Variants in BAHCC1 observed in about 807,000 individuals in gnomAD.
The protein encoded by BAHCC1 is BAH domain and coiled-coil containing 1.
A neutral mutation model predicts 88.2 loss-of-function variants in BAHCC1; 43 were observed. That is an observed-to-expected ratio of 0.49 (90% CI 0.38 to 0.63). The LOEUF is 0.63. Ranked by LOEUF, BAHCC1 falls within the 20% of genes least tolerant of loss-of-function variation. BAHCC1 has a pLI of 0.00. For synonymous variants in BAHCC1, 1,510 were observed against 745.5 expected (o/e 2.03, Z -16.71); for missense variants, 3,023 against 1,654.8 (o/e 1.83, Z -14.34).
At chr17:81,406,706 C>T (rs782657061) in intron 2 of BAHCC1, among the ~76,000 whole-genome samples, 6 of 152,256 alleles carry the variant, frequency 3.9e-5, no homozygotes, top group Non-Finnish European at 8.8e-5. Flanking sequence ...GGCCCCAGAG[C>T]AGCTGCCGCG....
chr17:81,399,820 C>T lies in BAHCC1; in HGVS notation c.81C>T (p.Ala27=), dbSNP rs1189519810. ...TGGGCCACCGCAGCGCCGCTGCCGC[C>T]GCGCGTCTCGCCCCGGCTGGGCCCG... ...GSLGHRSAAA[A]ARLAPAGPAA... Residue 27 remains alanine, a synonymous_variant, in exon 2 of 28, where the codon GCC becomes GCT. Coordinates refer to ENST00000675386, the MANE Select transcript of BAHCC1 (RefSeq NM_001377448.1). This position sits in a 1 kb window ranked among gnomAD's most constrained non-coding sequence, Gnocchi z 4.5. The T allele has an allele frequency of 2.3e-6, 3 of 1,325,784 alleles. No individual in the cohort carries two copies. The highest frequency in any genetic ancestry group is 2.9e-6 in the Non-Finnish European group (3 of 1,039,670). 82.1% of individuals were successfully genotyped at this position (1,325,784 alleles called of 1,614,324 possible).
Position 81,458,814 on chromosome 17 carries a change from G to T in BAHCC1, c.5450G>T (p.Gly1817Val), listed in dbSNP as rs781841977. Residue 1817 changes from glycine (G) to valine (V), a missense_variant and splice_region_variant, in exon 20 of 28, where the codon GGC becomes GTC. Coordinates refer to ENST00000675386, the MANE Select transcript of BAHCC1 (RefSeq NM_001377448.1). ...SKVKHKAGKQ[G>V]KGRAVSRLLE... is the part of the protein sequence containing the mutation. Reference sequence around the variant, plus strand: ...AAGCCTGACTCCTCTGGCCCCCAGGGCAAGGGCCGGGCCGTGAGCCGCCTG... The same window carrying T: ...AAGCCTGACTCCTCTGGCCCCCAGGTCAAGGGCCGGGCCGTGAGCCGCCTG... The T allele has an allele frequency of 1.3e-6, 1 of 763,774 alleles. No individual in the cohort carries two copies. The highest frequency in any genetic ancestry group is 2.5e-6 in the Non-Finnish European group (1 of 406,754). The allele number at this position is 763,774 out of a possible 1,614,324, so 47.3% of individuals were successfully genotyped here.
intron 2 of BAHCC1, among the ~76,000 whole-genome samples, chr17:81,408,600 AG>A (rs1273747973): frequency 3.3e-5 from 5 of 152,006 alleles, no homozygotes; most frequent in Non-Finnish European, 5.9e-5. Flanking sequence ...ACTCTGCCTA[AG>A]TGGAGAGGGG....
At chr17:81,457,795 G>A (rs1598510247) in intron 17 of BAHCC1, among the ~76,000 whole-genome samples, 1 of 106,906 alleles carries the variant, frequency 9.4e-6, no homozygotes. Flanking sequence ...GGGAGGGCAG[G>A]GGTTGCTGGG....
chr17:81,407,227 A>T (rs1555647055), intron 2 of BAHCC1: 1 of 444,374 alleles, frequency 2.3e-6, no homozygotes, highest in African/African-American at 2.0e-5. Context: ...TGTGCTTCCA[A>T]TAGGGTCCTC....
rs782396635 is a variant in BAHCC1 at position 81,445,050 on chromosome 17, A to G, written c.2707A>G (p.Met903Val). ...VMDQASLWPP[M>V]YGGRGPASHM... ...GGACCAGGCGTCACTGTGGCCCCCC[A>G]TGTACGGGGGCCGGGGCCCCGCCTC... Residue 903 changes from methionine (M) to valine (V), a missense_variant, in exon 9 of 28, where the codon ATG (methionine) becomes GTG (valine). Physicochemically the swap from Met to Val is conservative, Grantham distance 21. Coordinates refer to ENST00000675386, the MANE Select transcript of BAHCC1 (RefSeq NM_001377448.1). 2.7e-5 allele frequency: 21 copies of G among 766,046 alleles called. No homozygotes were observed. Among genetic ancestry groups the G allele is most frequent in the East Asian group, 2.5e-4 (10 of 40,602 alleles). 47.5% of individuals were successfully genotyped at this position (766,046 alleles called of 1,614,324 possible).
At chr17:81,423,491 C>T (rs113876760) in intron 2 of BAHCC1, among the ~76,000 whole-genome samples, 31 of 152,352 alleles carry the variant, frequency 2.0e-4, no homozygotes, top group African/African-American at 7.0e-4. Context: ...TGACTCACCT[C>T]GGGCTGGGCC....
At position 81,423,609 on chromosome 17, in the gene BAHCC1, G is replaced by A. The variant is rs115756243; in HGVS notation, c.179-3191G>A. On this transcript the variant is annotated intron_variant, in intron 2 of 27. Transcript: ENST00000675386. The stretch of plus-strand genomic sequence containing the variant: ...TGGTCCCAGGCCAGGCTTGCTGCCC[G>A]TGGGATGGAGACGACAAGGTGCCAG... Among the ~76,000 whole-genome samples, 715 of 152,350 alleles carry A rather than the reference G, an allele frequency of 4.7e-3. 6 individuals are homozygous for A. The highest frequency in any genetic ancestry group is 0.016 in the African/African-American group (681 of 41,580).
In BAHCC1 at chr17:81,461,368, C is replaced by T. The variant is rs61741401; in HGVS notation, c.6705C>T (p.Pro2235=). ...ALLMGDKDFS[P]KLGRPLPSPS... ...TCATGGGGGACAAGGACTTCAGCCC[C>T]AAGCTCGGGCGGCCCCTGCCCAGCC... The change falls in exon 26 of 28, where the codon CCC becomes CCT. Residue 2235 remains proline (P), a synonymous_variant. Coordinates refer to ENST00000675386, the MANE Select transcript of BAHCC1 (RefSeq NM_001377448.1). 102 of 722,972 alleles carry T rather than the reference C, an allele frequency of 1.4e-4. 1 individual carries two copies. The African/African-American group carries it at 1.6e-3, about 11-fold the overall frequency. The allele number at this position is 722,972 out of a possible 1,614,324, so 44.8% of individuals were successfully genotyped here.
At chr17:81,431,746 G>A (rs2064263669) in intron 3 of BAHCC1, among the ~76,000 whole-genome samples, 1 of 152,196 alleles carries the variant, frequency 6.6e-6, no homozygotes, top group Non-Finnish European at 1.5e-5. Context: ...AGGAAACTGA[G>A]GCTGAGGATT....
rs782438735 is a variant in BAHCC1, at chr17:81,462,842, G to A, written c.7486G>A (p.Gly2496Arg). 1.3e-6 allele frequency: 1 copy of A among 781,136 alleles called. No individual in the cohort carries two copies. The highest frequency in any genetic ancestry group is 2.4e-6 in the Non-Finnish European group (1 of 418,554). The allele number at this position is 781,136 out of a possible 1,614,324, so 48.4% of individuals were successfully genotyped here. A position where few individuals can be genotyped will look rare whatever the true frequency, so the allele number is the denominator to read the frequency against. The change falls in exon 27 of 28, where the codon GGG becomes AGG. Residue 2496 changes from glycine (G) to arginine (R), a missense_variant. Gly to Arg is a moderately radical substitution (Grantham distance 125, BLOSUM62 -2). Coordinates refer to ENST00000675386, the MANE Select transcript of BAHCC1 (RefSeq NM_001377448.1). ...VGDCAVFLSA[G>R]RPNLPYIGRI... ...GGACTGTGCCGTCTTCCTGTCAGCT[G>A]GGCGGCCCAACCTCCCCTACATCGG... is the stretch of plus-strand genomic sequence containing the variant.
In BAHCC1 at chr17:81,435,395, G is replaced by T; in HGVS notation, c.359-2975G>T. ...GCAGGGGCAGGATGTGGGGACCTCG[G>T]TGCGACCCCCACTGCCCCCAGGGCT... On this transcript the variant is annotated intron_variant, in intron 3 of 27. Coordinates refer to ENST00000675386, the MANE Select transcript of BAHCC1 (RefSeq NM_001377448.1). This position sits in a 1 kb window ranked among gnomAD's most constrained non-coding sequence, Gnocchi z 4.4. 2.1e-6 allele frequency: 1 copy of T among 465,906 alleles called. No homozygotes were observed. Among genetic ancestry groups the T allele is most frequent in the East Asian group, 7.0e-5 (1 of 14,376 alleles). 28.9% of individuals were successfully genotyped at this position (465,906 alleles called of 1,614,324 possible). A position where few individuals can be genotyped will look rare whatever the true frequency, so the allele number is the denominator to read the frequency against.
At chr17:81,421,957 A>G (rs1555649634) in intron 2 of BAHCC1, 1 of 428,270 alleles carries the variant, frequency 2.3e-6, no homozygotes, top group Admixed American at 2.6e-5. Flanking sequence ...GTGGTCCCAG[A>G]ACGCTCATGC....
rs2030333038 is a variant in BAHCC1 at position 81,461,937 on chromosome 17, C to T, written c.7274C>T (p.Ala2425Val). 1.3e-6 allele frequency: 1 copy of T among 762,632 alleles called. No individual in the cohort carries two copies. The highest frequency in any genetic ancestry group is 2.4e-6 in the Non-Finnish European group (1 of 410,208). The allele number at this position is 762,632 out of a possible 1,614,324, so 47.2% of individuals were successfully genotyped here. Residue 2425 changes from alanine to valine, a missense_variant, in exon 26 of 28, where the codon GCC (alanine) becomes GTC (valine). By Grantham distance (64) the Ala-to-Val change is moderately conservative (BLOSUM62 0). Transcript: ENST00000675386. ...KRKEALSFSK[A>V]KELSRRQRPP... ...AAAGAGGCCCTGAGCTTCTCCAAAG[C>T]CAAAGAGCTCTCCCGGAGGCAGCGG... is the stretch of plus-strand genomic sequence containing the variant.
chr17:81,458,384 G>A lies in BAHCC1; in HGVS notation c.5261G>A (p.Cys1754Tyr). 1 of 738,674 alleles carries A rather than the reference G, an allele frequency of 1.4e-6. No individual in the cohort carries two copies. Among genetic ancestry groups the A allele is most frequent in the Non-Finnish European group, 2.5e-6 (1 of 400,492 alleles). 45.8% of individuals were successfully genotyped at this position (738,674 alleles called of 1,614,324 possible). A position where few individuals can be genotyped will look rare whatever the true frequency, so the allele number is the denominator to read the frequency against. Reference protein sequence around the residue: ...ALFNPSRAFACREEGSQLASE... With the variant: ...ALFNPSRAFAYREEGSQLASE... The stretch of plus-strand genomic sequence containing the variant: ...TTCAACCCCTCTCGGGCCTTCGCCT[G>A]CCGTGAGGAGGGCAGCCAGCTGGCC... The change falls in exon 18 of 28, where the codon TGC becomes TAC. Residue 1754 changes from cysteine (C) to tyrosine (Y), a missense_variant. Transcript: ENST00000675386.
At position 81,445,003 on chromosome 17, in the gene BAHCC1, C is replaced by A; in HGVS notation, c.2672-12C>A. 1.3e-6 allele frequency: 1 copy of A among 750,624 alleles called. No individual in the cohort carries two copies. Among genetic ancestry groups the A allele is most frequent in the Non-Finnish European group, 2.5e-6 (1 of 406,730 alleles). The allele number at this position is 750,624 out of a possible 1,614,324, so 46.5% of individuals were successfully genotyped here. A position where few individuals can be genotyped will look rare whatever the true frequency, so the allele number is the denominator to read the frequency against. On this transcript the variant is annotated splice_polypyrimidine_tract_variant and intron_variant, in intron 8 of 27. Coordinates refer to ENST00000675386, the MANE Select transcript of BAHCC1 (RefSeq NM_001377448.1). ...CCCAGCCAGGCTGACCCCTCCTGGG[C>A]CCTGCCCACAGCGGATGTCATGGAC...
intron 11 of BAHCC1, among the ~76,000 whole-genome samples, chr17:81,449,149 G>A (rs573895089): frequency 1.3e-5 from 2 of 152,200 alleles, no homozygotes; most frequent in African/African-American, 4.8e-5. Context: ...CGGGTGGTGG[G>A]CCATGTGGCT....
chr17:81,451,994 C>T lies in BAHCC1; in HGVS notation c.4203C>T (p.Ile1401=), dbSNP rs782150310. ...AGGTGTGCCCCCTGAAGGCCGCCAT[C>T]GACCGGCTGGACACGCAGGAGGTGG... ...TKPVCPLKAA[I]DRLDTQEVGM... The change falls in exon 13 of 28, where the codon ATC becomes ATT. Residue 1401 remains isoleucine, a synonymous_variant. Coordinates refer to ENST00000675386, the MANE Select transcript of BAHCC1 (RefSeq NM_001377448.1). 94 of 631,482 alleles carry T rather than the reference C, an allele frequency of 1.5e-4. No homozygotes were observed. The Admixed American group carries it at 2.1e-3, about 14-fold the overall frequency. The allele number at this position is 631,482 out of a possible 1,614,324, so 39.1% of individuals were successfully genotyped here.
intron 3 of BAHCC1, among the ~76,000 whole-genome samples, chr17:81,436,179 C>T (rs72853250): frequency 0.027 from 4,129 of 152,250 alleles, 83 homozygotes; most frequent in Middle Eastern, 0.099. Flanking sequence ...GAGGTGGGGA[C>T]CCAAGCAGGC....
Sources: gnomAD v4.1 joint callset for allele counts (sites outside exome capture counted in the v4.1 genomes callset) on GRCh38, gnomAD v4.1.1 for gene constraint, Gnocchi (gnomAD v3.1) non-coding constraint, MANE v1.5 for transcripts, NCBI Gene and HGNC (gene_info 2026-07-23, HGNC 2026-07-21) for gene names.